Variants in ZNF678 observed in about 807,000 individuals in gnomAD.
ZNF678 encodes the protein hypothetical protein MGC42493.
A neutral mutation model predicts 3.0 loss-of-function variants in ZNF678; 5 were observed. The ratio of observed to expected loss-of-function variants is 1.69; its 90% CI spans 0.88 to 3.56. The LOEUF is 3.56. ZNF678 is among the 30% of genes most tolerant of loss of function. The pLI is 0.00. For missense variants in ZNF678, 593 were observed against 605.0 expected (o/e 0.98, Z 0.21); for synonymous variants, 218 against 199.6 (o/e 1.09, Z -0.78).
intron 1 of ZNF678, among the ~76,000 whole-genome samples, chr1:227,595,948 G>T (rs1312187512): frequency 6.6e-6 from 1 of 152,196 alleles, no homozygotes; most frequent in Admixed American, 6.5e-5. Flanking sequence ...CGCTGTGGGT[G>T]ATCAGTCCAT....
chr1:227,573,747 G>A (rs1015103694), intron 1 of ZNF678, among the ~76,000 whole-genome samples: 3 of 130,102 alleles, frequency 2.3e-5, no homozygotes, highest in African/African-American at 9.4e-5. Context: ...ATGGGAGCTT[G>A]TTGTACAGAT....
chr1:227,655,733 G>A lies in ZNF678; in HGVS notation c.1483G>A (p.Gly495Arg). The change falls in exon 4 of 4, where the codon GGA becomes AGA. Residue 495 changes from glycine (G) to arginine (R), a missense_variant. Gly to Arg is a moderately radical substitution (Grantham distance 125). Transcript: ENST00000343776. ...GEKRYKCKEC[G>R]KGFYQSSIHS... ...GAAACGCTACAAATGTAAAGAATGT[G>A]GAAAAGGTTTTTACCAATCCTCAAT... 6.2e-7 allele frequency: 1 copy of A among 1,612,408 alleles called. No individual in the cohort carries two copies. The highest frequency in any genetic ancestry group is 2.2e-5 in the East Asian group (1 of 44,812).
chr1:227,654,519 C>G lies in ZNF678; in HGVS notation c.269C>G (p.Ser90Ter), dbSNP rs1016305282. The change falls in exon 4 of 4, where the codon TCA becomes TGA. Residue 90 changes from serine to a stop codon, truncating the protein, a stop_gained. Transcript: ENST00000343776. LOFTEE classifies it low-confidence loss of function (END_TRUNC). ...KEYCNRLTQC[S>*]STKSKIFQCI... is the part of the protein sequence containing the mutation. Reference sequence around the variant, plus strand: ...TATTGCAATAGACTTACTCAATGTTCATCAACTAAAAGCAAAATCTTTCAA... The same window carrying G: ...TATTGCAATAGACTTACTCAATGTTGATCAACTAAAAGCAAAATCTTTCAA... The G allele has an allele frequency of 6.2e-7, 1 of 1,613,140 alleles. No individual in the cohort carries two copies. The highest frequency in any genetic ancestry group is 1.3e-5 in the African/African-American group (1 of 74,862).
intron 1 of ZNF678, among the ~76,000 whole-genome samples, chr1:227,570,898 A>T (rs907668330): frequency 6.6e-6 from 1 of 152,170 alleles, no homozygotes; most frequent in Non-Finnish European, 1.5e-5. Context: ...ATTCACCTGT[A>T]AGATTAAGTT....
rs1485452081 is a variant in ZNF678 at position 227,654,905 on chromosome 1, A to C, written c.655A>C (p.Thr219Pro). The change falls in exon 4 of 4, where the codon ACC becomes CCC. Residue 219 changes from threonine to proline, a missense_variant. Coordinates refer to ENST00000343776, the MANE Select transcript of ZNF678 (RefSeq NM_001367909.1). ...ATGTGAAGAATGTGGCAAAGCCTTT[A>C]CCCAGTTCTCAAACCTTACACAACA... ...YPCEECGKAF[T>P]QFSNLTQHKR... 3 of 1,612,640 alleles carry C rather than the reference A, an allele frequency of 1.9e-6. No individual in the cohort carries two copies. The East Asian group carries it at 6.7e-5, about 36-fold the overall frequency.
chr1:227,628,130 C>G (rs1311315549), intron 1 of ZNF678, among the ~76,000 whole-genome samples: 1 of 152,186 alleles, frequency 6.6e-6, no homozygotes, highest in Non-Finnish European at 1.5e-5. Flanking sequence ...GATCTCTTCC[C>G]TGTATCATTT....
rs1558157070 is a variant in ZNF678 at position 227,654,411 on chromosome 1, C to G, written c.161C>G (p.Thr54Arg). The G allele has an allele frequency of 6.2e-7, 1 of 1,611,368 alleles. No individual in the cohort carries two copies. Among genetic ancestry groups the G allele is most frequent in the Non-Finnish European group, 8.5e-7 (1 of 1,178,736 alleles). ...MKDLCQKVTLTRHRSWGLDNL... is the reference protein window; with the variant it reads ...MKDLCQKVTLRRHRSWGLDNL... ...GATTTATGCCAAAAAGTGACACTGA[C>G]AAGACATAGAAGCTGGGGCCTTGAC... The change falls in exon 4 of 4, where the codon ACA becomes AGA. Residue 54 changes from threonine to arginine, a missense_variant. Transcript: ENST00000343776.
chr1:227,659,113 A>G lies in ZNF678; in HGVS notation c.*3285A>G, dbSNP rs1232279951. 1 of 152,066 alleles carries G rather than the reference A, an allele frequency of 6.6e-6. No individual in the cohort carries two copies. Among genetic ancestry groups the G allele is most frequent in the Non-Finnish European group, 1.5e-5 (1 of 67,978 alleles). 9.4% of individuals were successfully genotyped at this position (152,066 alleles called of 1,614,324 possible). A position where few individuals can be genotyped will look rare whatever the true frequency, so the allele number is the denominator to read the frequency against. On this transcript the variant is annotated 3_prime_UTR_variant, in exon 4 of 4. Coordinates refer to ENST00000343776, the MANE Select transcript of ZNF678 (RefSeq NM_001367909.1). ...ATATATTAGACAATAATAAACATTT[A>G]CATTTATGTTTACATTTATATTTAA...
chr1:227,670,877 T>C (rs1232007877), intron 5 of ZNF678, among the ~76,000 whole-genome samples: 1 of 152,122 alleles, frequency 6.6e-6, no homozygotes, highest in Non-Finnish European at 1.5e-5. Flanking sequence ...AACTTTAAAA[T>C]AACTTTTGGG....
chr1:227,613,770 G>C (rs1032036978), intron 1 of ZNF678, among the ~76,000 whole-genome samples: 7 of 152,102 alleles, frequency 4.6e-5, no homozygotes, highest in African/African-American at 1.7e-4. Context: ...TCTGTACTGG[G>C]AGCCTTCCTG....
intron 1 of ZNF678, among the ~76,000 whole-genome samples, chr1:227,606,185 T>C (rs1350905508): frequency 6.6e-6 from 1 of 152,096 alleles, no homozygotes; most frequent in Non-Finnish European, 1.5e-5. Flanking sequence ...GTCTCCGAGT[T>C]CCCTCAGTAT....
At chr1:227,570,536 A>G (rs113814422) in intron 1 of ZNF678, among the ~76,000 whole-genome samples, 36 of 152,292 alleles carry the variant, frequency 2.4e-4, no homozygotes, top group African/African-American at 7.7e-4. Flanking sequence ...AGCTCACTAT[A>G]CTGTCCAGGC....
chr1:227,629,034 C>T (rs1346920372), intron 1 of ZNF678, among the ~76,000 whole-genome samples: 1 of 152,234 alleles, frequency 6.6e-6, no homozygotes, highest in Non-Finnish European at 1.5e-5. Context: ...AGAGGGACAA[C>T]AGCCTCATTG....
chr1:227,616,625 G>C (rs1467576101), intron 1 of ZNF678, among the ~76,000 whole-genome samples: 1 of 152,196 alleles, frequency 6.6e-6, no homozygotes, highest in Admixed American at 6.5e-5. Context: ...CCAGAAAGAG[G>C]CACAATACCT....
chr1:227,652,123 A>G (rs761659263), intron 3 of ZNF678, among the ~76,000 whole-genome samples: 3 of 152,186 alleles, frequency 2.0e-5, no homozygotes, highest in Non-Finnish European at 2.9e-5. Flanking sequence ...AGTGCTTATA[A>G]ATTATATATG....
intron 1 of ZNF678, among the ~76,000 whole-genome samples, chr1:227,594,179 C>T (rs531616959): frequency 6.6e-6 from 1 of 152,138 alleles, no homozygotes; most frequent in East Asian, 1.9e-4. Flanking sequence ...TCCTTTAGCA[C>T]CTATTTTTAT....
intron 1 of ZNF678, among the ~76,000 whole-genome samples, chr1:227,596,078 G>A (rs1350986724): frequency 6.6e-6 from 1 of 152,166 alleles, no homozygotes; most frequent in Non-Finnish European, 1.5e-5. Flanking sequence ...CTCCATGGGA[G>A]CCTGCCACAC....
intron 1 of ZNF678, among the ~76,000 whole-genome samples, chr1:227,593,616 G>T (rs553800700): frequency 6.6e-6 from 1 of 152,222 alleles, no homozygotes; most frequent in South Asian, 2.1e-4. Flanking sequence ...AGCTGTCTTT[G>T]ACTTGCAAGT....
intron 3 of ZNF678, among the ~76,000 whole-genome samples, 197 bp from the exon 4 acceptor site, chr1:227,654,139 C>T (rs2102804882): frequency 6.6e-6 from 1 of 151,992 alleles, no homozygotes; most frequent in African/African-American, 2.4e-5. Flanking sequence ...AAACTCTTAA[C>T]TAGATTTTAT....
Sources: gnomAD v4.1 joint callset for allele counts (sites outside exome capture counted in the v4.1 genomes callset) on GRCh38, gnomAD v4.1.1 for gene constraint, MANE v1.5 for transcripts, NCBI Gene and HGNC (gene_info 2026-07-23, HGNC 2026-07-21) for gene names.